Variants in GTF2IRD2 observed in about 807,000 individuals in gnomAD.
GTF2IRD2 encodes GTF2I repeat domain containing 2, also known as general transcription factor II-I repeat domain-containing protein 2A.
A neutral mutation model predicts 49.2 loss-of-function variants in GTF2IRD2; 8 were observed. The ratio of observed to expected loss-of-function variants is 0.16; its 90% CI spans 0.10 to 0.29. GTF2IRD2 has a LOEUF of 0.29. Among genes scored for constraint, GTF2IRD2 ranks in the 10% least tolerant of loss-of-function variants. The probability of loss-of-function intolerance (pLI) is 1.00; values close to 1 mark genes in which losing one functional copy is unlikely to be tolerated. For synonymous variants in GTF2IRD2, 47 were observed against 289.7 expected (o/e 0.16, Z 8.51); for missense variants, 130 against 725.7 (o/e 0.18, Z 9.43).
At chr7:74,842,924 ATATT>A (rs1800973504) in intron 1 of GTF2IRD2, among the ~76,000 whole-genome samples, 1 of 113,910 alleles carries the variant, frequency 8.8e-6, no homozygotes, top group Non-Finnish European at 1.8e-5. Context: ...AGTTTTTATC[ATATT>A]TATTTATTTG....
chr7:74,818,894 G>C (rs1798680928), intron 8 of GTF2IRD2: 1 of 151,202 alleles, frequency 6.6e-6, no homozygotes, highest in South Asian at 2.1e-4. Flanking sequence ...TAGATACTTG[G>C]TTCTTTTTTT....
At chr7:74,830,661 CA>C (rs587747834) in intron 3 of GTF2IRD2, among the ~76,000 whole-genome samples, 11 of 128,048 alleles carry the variant, frequency 8.6e-5, no homozygotes, top group African/African-American at 3.2e-4. Context: ...AAGTGGGAGC[CA>C]AACCTTGGGT....
rs707394 is a variant in GTF2IRD2, at chr7:74,797,697, G to C, written c.1815C>G (p.Asn605Lys). 0.78 allele frequency: 838,907 copies of C among 1,076,604 alleles called. 381,916 individuals carry two copies. The highest frequency in any genetic ancestry group is 0.98 in the East Asian group (38,232 of 38,862). 66.7% of individuals were successfully genotyped at this position (1,076,604 alleles called of 1,614,324 possible). Residue 605 changes from asparagine (N) to lysine (K), a missense_variant, in exon 16 of 16, where the codon AAC becomes AAG. Transcript: ENST00000451013. ...CTAATTTCGACCAGTCGATACAGAAGTTTTTCAGGCTTTTCTCAACACGCG... is the reference window on the plus strand; with the variant it reads ...CTAATTTCGACCAGTCGATACAGAACTTTTTCAGGCTTTTCTCAACACGCG... ...IFSRVEKSLK[N>K]FCIDWSKLVS...
intron 3 of GTF2IRD2, among the ~76,000 whole-genome samples, chr7:74,825,327 G>C (rs1799279064): frequency 8.4e-6 from 1 of 119,166 alleles, no homozygotes; most frequent in Non-Finnish European, 1.7e-5. Context: ...GCAGTGGGAT[G>C]ATCGAAGTTC....
intron 8 of GTF2IRD2, among the ~76,000 whole-genome samples, chr7:74,815,838 GA>G (rs1554418115): frequency 9.4e-6 from 1 of 106,090 alleles, no homozygotes; most frequent in Non-Finnish European, 2.0e-5. Flanking sequence ...AAGAAAGAAA[GA>G]AAGAAAGAAA....
intron 1 of GTF2IRD2, among the ~76,000 whole-genome samples, chr7:74,836,740 A>G (rs1198422959): frequency 6.6e-6 from 1 of 152,134 alleles, no homozygotes; most frequent in African/African-American, 2.4e-5. Context: ...TGATTTTTGT[A>G]TTTTTTGTAA....
chr7:74,826,711 T>TTTC (rs1307636897), intron 3 of GTF2IRD2, among the ~76,000 whole-genome samples: 1 of 57,484 alleles, frequency 1.7e-5, no homozygotes, highest in Non-Finnish European at 3.2e-5. Flanking sequence ...TTTTTTTTTT[T>TTTC]TTTTTTTTTT....
intron 8 of GTF2IRD2, among the ~76,000 whole-genome samples, chr7:74,815,577 C>G (rs1439451708): frequency 2.3e-4 from 24 of 103,274 alleles, no homozygotes; most frequent in Non-Finnish European, 4.2e-4. Flanking sequence ...ACGGTGAAAC[C>G]CTGTCTCTAC....
chr7:74,822,510 C>T (rs1799001395), intron 5 of GTF2IRD2, 55 bp from the exon 6 acceptor site: 2 of 670,358 alleles, frequency 3.0e-6, no homozygotes, highest in Non-Finnish European at 2.6e-6. Flanking sequence ...AAGCATGACA[C>T]ATCTGAACAG....
intron 3 of GTF2IRD2, among the ~76,000 whole-genome samples, chr7:74,826,760 G>A (rs1419272930): frequency 1.1e-4 from 13 of 118,774 alleles, no homozygotes; most frequent in Admixed American, 1.0e-3. Flanking sequence ...TGCCTAAGCT[G>A]GAGTGCAATG....
Position 74,797,677 on chromosome 7 carries a change from T to C in GTF2IRD2, c.1835A>G (p.Lys612Arg), listed in dbSNP as rs2257858. The C allele has an allele frequency of 3.6e-5, 58 of 1,601,324 alleles. No individual in the cohort carries two copies. Among genetic ancestry groups the C allele is most frequent in the African/African-American group, 1.6e-4 (12 of 73,128 alleles). Residue 612 changes from lysine (K) to arginine (R), a missense_variant, in exon 16 of 16, where the codon AAA becomes AGA. Lys to Arg is a conservative substitution (Grantham distance 26). Coordinates refer to ENST00000451013, the MANE Select transcript of GTF2IRD2 (RefSeq NM_173537.5). ...SLKNFCIDWS[K>R]LVSVASTGTP... ...GCCAGTGGAGGCCACGCTTACTAATTTCGACCAGTCGATACAGAAGTTTTT... is the reference window on the plus strand; with the variant it reads ...GCCAGTGGAGGCCACGCTTACTAATCTCGACCAGTCGATACAGAAGTTTTT...
chr7:74,829,887 CA>C (rs1554420189), intron 3 of GTF2IRD2, among the ~76,000 whole-genome samples: 5,210 of 59,828 alleles, frequency 0.087, 227 homozygotes, highest in Admixed American at 0.13. Flanking sequence ...GATTCTGTCT[CA>C]AAAAAAAAAA....
intron 9 of GTF2IRD2, among the ~76,000 whole-genome samples, chr7:74,811,166 C>T (rs1160302443): frequency 2.0e-4 from 29 of 141,818 alleles, no homozygotes; most frequent in Admixed American, 4.5e-4. Context: ...GTCAGGAGTT[C>T]GAGACCAGCC....
At chr7:74,822,537 G>C in intron 5 of GTF2IRD2, 82 bp from the exon 6 acceptor site, 1 of 612,342 alleles carries the variant, frequency 1.6e-6, no homozygotes, top group South Asian at 1.9e-5. Context: ...CTGAAACGCA[G>C]CAGGCGGGAT....
chr7:74,842,533 AT>A (rs1167331490), intron 1 of GTF2IRD2, among the ~76,000 whole-genome samples: 1 of 142,138 alleles, frequency 7.0e-6, no homozygotes, highest in Non-Finnish European at 1.5e-5. Context: ...GCCCACCCCT[AT>A]TTTTTAAATT....
At chr7:74,826,879 C>T (rs1799446713) in intron 3 of GTF2IRD2, among the ~76,000 whole-genome samples, 1 of 147,790 alleles carries the variant, frequency 6.8e-6, no homozygotes, top group Admixed American at 6.8e-5. Flanking sequence ...CCCCGGCTAA[C>T]TTTTATAATT....
chr7:74,829,866 C>T (rs1202270704), intron 3 of GTF2IRD2, among the ~76,000 whole-genome samples: 6 of 139,820 alleles, frequency 4.3e-5, no homozygotes, highest in East Asian at 2.0e-4. Context: ...CCAGCCTGGG[C>T]GATAGAGCGA....
chr7:74,826,781 G>A (rs1413514786), intron 3 of GTF2IRD2, among the ~76,000 whole-genome samples: 3 of 125,352 alleles, frequency 2.4e-5, no homozygotes, highest in East Asian at 2.2e-4. Flanking sequence ...GCATGATCTC[G>A]GCTCACTGCA....
chr7:74,842,276 CT>C (rs1298995831), intron 1 of GTF2IRD2, among the ~76,000 whole-genome samples: 1 of 129,862 alleles, frequency 7.7e-6, no homozygotes, highest in Admixed American at 7.8e-5. Flanking sequence ...GTCTCCCAGG[CT>C]GGAGTGCAGT....
Sources: allele counts gnomAD v4.1 joint callset (sites outside exome capture counted in the v4.1 genomes callset), GRCh38; gene constraint gnomAD v4.1.1; transcripts MANE v1.5; gene names NCBI Gene and HGNC (gene_info 2026-07-23, HGNC 2026-07-21).